PRIMPOL: variants seen among roughly 807,000 people sequenced by gnomAD.
PRIMPOL encodes the protein DNA-directed primase/polymerase protein.
In PRIMPOL, 54 loss-of-function variants were observed where a neutral mutation model predicts 63.6. The ratio of observed to expected loss-of-function variants is 0.85; its 90% CI spans 0.68 to 1.07. The LOEUF (loss-of-function observed/expected upper bound fraction) is 1.07. Ranked by LOEUF, PRIMPOL falls within the 50% of genes least tolerant of loss-of-function variation. PRIMPOL has a pLI of 0.00. For synonymous variants in PRIMPOL, 197 were observed against 220.2 expected (o/e 0.89, Z 0.93); for missense variants, 610 against 648.3 (o/e 0.94, Z 0.64).
At chr4:184,655,574 C>T (rs371316630) in intron 2 of PRIMPOL, among the ~76,000 whole-genome samples, 28 of 152,288 alleles carry the variant, frequency 1.8e-4, no homozygotes, top group East Asian at 5.8e-4. Context: ...CCCGCCTCAG[C>T]GTCCCAAAGT....
intron 1 of PRIMPOL, among the ~76,000 whole-genome samples, chr4:184,651,118 T>C (rs1052628574): frequency 4.6e-5 from 7 of 152,124 alleles, no homozygotes; most frequent in African/African-American, 1.4e-4. Context: ...TGAAACCCTG[T>C]CTTTACTAAA....
At chr4:184,677,761 A>G (rs927549451) in intron 7 of PRIMPOL, among the ~76,000 whole-genome samples, 3 of 152,218 alleles carry the variant, frequency 2.0e-5, no homozygotes, top group Admixed American at 1.3e-4. Context: ...TGAGTCTTCC[A>G]ATCTATGCAC....
intron 11 of PRIMPOL, among the ~76,000 whole-genome samples, chr4:184,688,988 A>C (rs957557965): frequency 6.6e-6 from 1 of 151,890 alleles, no homozygotes; most frequent in South Asian, 2.1e-4. Context: ...ATAAACTAAA[A>C]AAAAAAGCCA....
At chr4:184,679,803 A>G (rs72689297) in intron 8 of PRIMPOL, among the ~76,000 whole-genome samples, 2 of 152,008 alleles carry the variant, frequency 1.3e-5, no homozygotes, top group African/African-American at 4.8e-5. Context: ...CATGGGAGGG[A>G]TCTAGGTTGC....
chr4:184,683,877 T>G (rs1756310369), intron 9 of PRIMPOL, among the ~76,000 whole-genome samples: 1 of 152,214 alleles, frequency 6.6e-6, no homozygotes, highest in South Asian at 2.1e-4. Flanking sequence ...AGCTGTTAAA[T>G]TTAAATTTGT....
At chr4:184,667,610 G>A (rs1038339004) in intron 6 of PRIMPOL, among the ~76,000 whole-genome samples, 7 of 151,640 alleles carry the variant, frequency 4.6e-5, no homozygotes, top group East Asian at 1.9e-4. Flanking sequence ...GTGCCTGGCC[G>A]AAAGTGAGAC....
At chr4:184,654,452 A>AGTTTTTTTTTCTT (rs1553985955) in intron 2 of PRIMPOL, among the ~76,000 whole-genome samples, 10 of 126,576 alleles carry the variant, frequency 7.9e-5, no homozygotes, top group African/African-American at 3.0e-4. Context: ...AAGTTAAAGC[A>AGTTTTTTTTTCTT]GTTTTTTTTT....
chr4:184,673,465 A>C (rs1752452343), intron 7 of PRIMPOL, among the ~76,000 whole-genome samples: 2 of 117,520 alleles, frequency 1.7e-5, no homozygotes, highest in Admixed American at 9.8e-5. Flanking sequence ...TCGCTCTGTC[A>C]CCAGGCTGGA....
At chr4:184,671,361 T>C (rs72689272) in intron 6 of PRIMPOL, among the ~76,000 whole-genome samples, 19,858 of 152,142 alleles carry the variant, frequency 0.13, 1,401 homozygotes, top group Middle Eastern at 0.17. Context: ...AATTTGCCAG[T>C]GCCCTAACTC....
At chr4:184,683,862 C>T (rs950918351) in intron 9 of PRIMPOL, among the ~76,000 whole-genome samples, 1 of 152,052 alleles carries the variant, frequency 6.6e-6, no homozygotes, top group Non-Finnish European at 1.5e-5. Context: ...ACTATGAAAT[C>T]CTCTAGCTGT....
chr4:184,665,556 T>C (rs57009203), intron 5 of PRIMPOL, among the ~76,000 whole-genome samples: 6,170 of 148,506 alleles, frequency 0.042, 430 homozygotes, highest in African/African-American at 0.14. Flanking sequence ...CAGACTGGAG[T>C]GCAGTGGCAC....
intron 6 of PRIMPOL, among the ~76,000 whole-genome samples, chr4:184,667,240 C>T (rs1432176468): frequency 2.0e-5 from 3 of 152,128 alleles, no homozygotes; most frequent in Admixed American, 6.6e-5. Flanking sequence ...AGTCTCTCTC[C>T]CTCATCCTGT....
intron 11 of PRIMPOL, among the ~76,000 whole-genome samples, chr4:184,688,924 C>CT (rs1757707550): frequency 6.6e-6 from 1 of 151,900 alleles, no homozygotes; most frequent in African/African-American, 2.4e-5. Context: ...TTTCAAACAA[C>CT]TTGGTAAGTG....
intron 6 of PRIMPOL, among the ~76,000 whole-genome samples, chr4:184,670,631 C>T (rs1188662315): frequency 1.3e-5 from 2 of 151,182 alleles, no homozygotes; most frequent in Admixed American, 6.6e-5. Context: ...TCACTGCAAC[C>T]TCCACCTCCC....
In PRIMPOL at chr4:184,652,980, GAGGA is replaced by G. The variant is rs1288462887; in HGVS notation, c.-60+895_-60+898del. On this transcript the variant is annotated intron_variant, in intron 2 of 13. Coordinates refer to ENST00000314970, the MANE Select transcript of PRIMPOL (RefSeq NM_152683.4). ...GGAAAGAAGGGAAAGAAGAGGGAGG[GAGGA>G]AGGAAGGAAGGAAGAAGGGAAGGAA... 3.2e-4 allele frequency among the ~76,000 whole-genome samples: 2 copies of G among 6,182 alleles called. 1 individual carries two copies. The highest frequency in any genetic ancestry group is 4.5e-4 in the African/African-American group (2 of 4,418). 4.1% of individuals were successfully genotyped at this position (6,182 alleles called of 152,430 possible).
At chr4:184,662,791 A>C (rs537353702) in intron 5 of PRIMPOL, among the ~76,000 whole-genome samples, 1 of 152,048 alleles carries the variant, frequency 6.6e-6, no homozygotes, top group Non-Finnish European at 1.5e-5. Context: ...GGACCTCTAC[A>C]TGCTTGATTT....
In PRIMPOL at chr4:184,659,398, T is replaced by G. The variant is rs1212310017; in HGVS notation, c.239T>G (p.Val80Gly). ...GGAGATGGACAACGTATTTACCTTG[T>G]GACAACCTATGCTGAATTTTGGTTT... ...KVGDGQRIYL[V>G]TTYAEFWFYY... Residue 80 changes from valine to glycine, a missense_variant, in exon 4 of 14, where the codon GTG (valine) becomes GGG (glycine). By Grantham distance (109) the Val-to-Gly change is moderately radical. Coordinates refer to ENST00000314970, the MANE Select transcript of PRIMPOL (RefSeq NM_152683.4). The G allele has an allele frequency of 3.1e-6, 5 of 1,613,886 alleles. No homozygotes were observed. Among genetic ancestry groups the G allele is most frequent in the South Asian group, 1.1e-5 (1 of 91,082 alleles).
rs73873009 is a variant in PRIMPOL at position 184,653,264 on chromosome 4, A to T, written c.-60+1164A>T. ...CCTGGAATCCAGACCATCAAGTGTCACAGCTGGGCAAGGCTGGGCATAAAC... is the reference window on the plus strand; with the variant it reads ...CCTGGAATCCAGACCATCAAGTGTCTCAGCTGGGCAAGGCTGGGCATAAAC... On this transcript the variant is annotated intron_variant, in intron 2 of 13. Transcript: ENST00000314970. Among the ~76,000 whole-genome samples the T allele has an allele frequency of 8.2e-3, 1,251 of 152,264 alleles. 19 individuals carry two copies. The highest frequency in any genetic ancestry group is 0.029 in the African/African-American group (1,186 of 41,546).
In PRIMPOL at chr4:184,693,996, T is replaced by G. The variant is rs73873078; in HGVS notation, c.1426-526T>G. Reference sequence around the variant, plus strand: ...GACATTCTTTACATAAATAATGTATTGGGCGGATCAACTAAATGTCTATAC... The same window carrying G: ...GACATTCTTTACATAAATAATGTATGGGGCGGATCAACTAAATGTCTATAC... On this transcript the variant is annotated intron_variant, in intron 13 of 13. Coordinates refer to ENST00000314970, the MANE Select transcript of PRIMPOL (RefSeq NM_152683.4). 7.3e-3 allele frequency among the ~76,000 whole-genome samples: 1,107 copies of G among 152,300 alleles called. 15 individuals are homozygous for G. Among genetic ancestry groups the G allele is most frequent in the African/African-American group, 0.025 (1,050 of 41,562 alleles).
Sources: allele counts gnomAD v4.1 joint callset (sites outside exome capture counted in the v4.1 genomes callset), GRCh38; gene constraint gnomAD v4.1.1; transcripts MANE v1.5; gene names NCBI Gene and HGNC (gene_info 2026-07-23, HGNC 2026-07-21).